The following ZNF131 variants were observed in gnomAD, a reference collection of about 807,000 sequenced individuals.
ZNF131 encodes the protein zinc finger protein 131.
In ZNF131, 7 loss-of-function variants were observed where a neutral mutation model predicts 60.0. The ratio of observed to expected loss-of-function variants is 0.12; its 90% CI spans 0.07 to 0.22. The LOEUF (loss-of-function observed/expected upper bound fraction) is 0.22. Ranked by LOEUF, ZNF131 falls within the 10% of genes least tolerant of loss-of-function variation. The pLI is 1.00. For missense variants in ZNF131, 493 were observed against 740.9 expected, an observed-to-expected ratio of 0.67 and a Z score of 3.88; for synonymous variants, 257 against 253.2, an observed-to-expected ratio of 1.01 and a Z score of -0.14.
intron 5 of ZNF131, among the ~76,000 whole-genome samples, chr5:43,168,891 G>A (rs2112069114): frequency 6.6e-6 from 1 of 152,332 alleles, no homozygotes; most frequent in Non-Finnish European, 1.5e-5. Flanking sequence ...CCAGCTTTCT[G>A]ATGTAGATGG....
In ZNF131 at chr5:43,174,987, G is replaced by A; in HGVS notation, c.1726G>A (p.Glu576Lys). The change falls in exon 7 of 7, where the codon GAG becomes AAG. Residue 576 changes from glutamate (E) to lysine (K), a missense_variant. Physicochemically the swap from Glu to Lys is moderately conservative, Grantham distance 56. Around this residue, in one of 7 missense-constraint regions of ZNF131, gnomAD observed 202 missense variants for 221.3 expected, o/e 0.91. Coordinates refer to ENST00000682664, the MANE Select transcript of ZNF131 (RefSeq NM_001330707.2). ...GACCCCAGAAATCATGAACCAAGAG[G>A]AGAGAGAGTCTAGCCAAGCAGATGC... ...HVTPEIMNQE[E>K]RESSQADAAE... 1 of 1,614,102 alleles carries A rather than the reference G, an allele frequency of 6.2e-7. No homozygotes were observed. The highest frequency in any genetic ancestry group is 8.5e-7 in the Non-Finnish European group (1 of 1,180,008).
chr5:43,160,724 C>T (rs987264854), intron 4 of ZNF131, among the ~76,000 whole-genome samples: 21 of 144,512 alleles, frequency 1.5e-4, no homozygotes, highest in Admixed American at 1.2e-3. Flanking sequence ...GCTCTTGTCG[C>T]CCAGGCTGGA....
chr5:43,143,930 T>C (rs2112296228), intron 4 of ZNF131, among the ~76,000 whole-genome samples: 3 of 98,152 alleles, frequency 3.1e-5, no homozygotes, highest in Non-Finnish European at 6.1e-5. Context: ...TTTTTTTTTT[T>C]TTTTTTCCTT....
At position 43,174,699 on chromosome 5, in the gene ZNF131, G is replaced by C. The variant is rs1320397788; in HGVS notation, c.1438G>C (p.Val480Leu). ...TIIEQVGKVH[V>L]LPLLQVQVDS... ...TATAGAACAAGTTGGGAAGGTGCAT[G>C]TGCTACCATTGCTTCAGGTTCAGGT... is the stretch of plus-strand genomic sequence containing the variant. The change falls in exon 7 of 7, where the codon GTG becomes CTG. Residue 480 changes from valine (V) to leucine (L), a missense_variant. Around this residue, in one of 7 missense-constraint regions of ZNF131, gnomAD observed 202 missense variants for 221.3 expected, o/e 0.91. Coordinates refer to ENST00000682664, the MANE Select transcript of ZNF131 (RefSeq NM_001330707.2). The C allele has an allele frequency of 6.2e-7, 1 of 1,614,112 alleles. No homozygotes were observed. Among genetic ancestry groups the C allele is most frequent in the African/African-American group, 1.3e-5 (1 of 74,942 alleles).
intron 3 of ZNF131, among the ~76,000 whole-genome samples, chr5:43,127,988 T>G (rs1290344554): frequency 6.6e-6 from 1 of 152,244 alleles, no homozygotes; most frequent in East Asian, 1.9e-4. Flanking sequence ...CTTGTACATG[T>G]TTATACATCT....
intron 1 of ZNF131, 197 bp from the exon 2 acceptor site, chr5:43,121,842 T>A: frequency 2.2e-6 from 1 of 463,906 alleles, no homozygotes; most frequent in Non-Finnish European, 3.7e-6. Context: ...AGGCTCGGAG[T>A]CCCGCGGCCG....
rs567449730 is a variant in ZNF131, at chr5:43,125,554, G to A, written c.226+2244G>A. Among the ~76,000 whole-genome samples the A allele has an allele frequency of 2.0e-5, 3 of 152,088 alleles. No individual in the cohort carries two copies. In the East Asian group the frequency reaches 5.9e-4, roughly 30 times the overall value. On this transcript the variant is annotated intron_variant, in intron 3 of 6. Coordinates refer to ENST00000682664, the MANE Select transcript of ZNF131 (RefSeq NM_001330707.2). ...CCAGCACTTTGGGAGGCCGAGGCAG[G>A]CAGATCACCTGAGGTCGAGAGGTCG...
At chr5:43,132,962 G>A (rs557183103) in intron 3 of ZNF131, among the ~76,000 whole-genome samples, 1 of 152,306 alleles carries the variant, frequency 6.6e-6, no homozygotes, top group East Asian at 1.9e-4. Context: ...TTTACCTATT[G>A]TGTGCGGTTT....
intron 5 of ZNF131, among the ~76,000 whole-genome samples, chr5:43,171,005 C>T (rs1354776368): frequency 6.9e-6 from 1 of 145,860 alleles, no homozygotes. Flanking sequence ...AGTGCAATGG[C>T]CTGTTCTCGG....
chr5:43,145,458 G>A (rs1747461588), intron 4 of ZNF131, among the ~76,000 whole-genome samples: 1 of 152,132 alleles, frequency 6.6e-6, no homozygotes, highest in Admixed American at 6.6e-5. Flanking sequence ...TTTGAGACCA[G>A]CCTGGCCAAA....
chr5:43,167,185 A>G (rs1750472616), intron 5 of ZNF131, among the ~76,000 whole-genome samples: 1 of 152,224 alleles, frequency 6.6e-6, no homozygotes, highest in Non-Finnish European at 1.5e-5. Context: ...TAGTAACATC[A>G]AAGATCACTG....
intron 3 of ZNF131, among the ~76,000 whole-genome samples, chr5:43,137,829 C>T (rs1319572264): frequency 2.0e-5 from 3 of 152,114 alleles, no homozygotes; most frequent in South Asian, 2.1e-4. Context: ...AATAAATATT[C>T]GTCAACAGAT....
intron 4 of ZNF131, among the ~76,000 whole-genome samples, chr5:43,152,302 C>T (rs549031322): frequency 2.0e-5 from 3 of 151,870 alleles, no homozygotes; most frequent in Admixed American, 6.6e-5. Context: ...CACTCCCAGC[C>T]GAGTCTGTCC....
intron 3 of ZNF131, among the ~76,000 whole-genome samples, chr5:43,129,857 C>T (rs1392082227): frequency 1.3e-5 from 2 of 152,046 alleles, no homozygotes; most frequent in African/African-American, 4.8e-5. Context: ...GGGGTTTCAC[C>T]ATGTTGGTCA....
chr5:43,173,588 T>C (rs1751251643), intron 6 of ZNF131, 140 bp downstream of exon 6: 8 of 1,130,080 alleles, frequency 7.1e-6, no homozygotes. Context: ...AACATTATTG[T>C]CTTGGGGACT....
At chr5:43,128,886 A>G (rs1466871741) in intron 3 of ZNF131, among the ~76,000 whole-genome samples, 1 of 151,924 alleles carries the variant, frequency 6.6e-6, no homozygotes, top group Admixed American at 6.6e-5. Context: ...AACTACAAGC[A>G]CATACCACCA....
intron 4 of ZNF131, among the ~76,000 whole-genome samples, chr5:43,158,877 A>T (rs1749292836): frequency 6.6e-6 from 1 of 150,628 alleles, no homozygotes; most frequent in South Asian, 2.1e-4. Flanking sequence ...TCTTATTCTC[A>T]ATGCCAAAAA....
intron 5 of ZNF131, among the ~76,000 whole-genome samples, chr5:43,168,939 C>T (rs529035991): frequency 1.8e-4 from 28 of 152,164 alleles, no homozygotes; most frequent in Admixed American, 9.8e-4. Context: ...GAAAAAAATA[C>T]GTAGATGAGT....
intron 5 of ZNF131, among the ~76,000 whole-genome samples, chr5:43,171,932 T>A (rs1751044140): frequency 6.6e-6 from 1 of 152,172 alleles, no homozygotes; most frequent in Admixed American, 6.5e-5. Flanking sequence ...CCGTTTTATT[T>A]TTAAATAGAG....
Sources: gnomAD v4.1 joint callset for allele counts (sites outside exome capture counted in the v4.1 genomes callset) on GRCh38, gnomAD v4.1.1 for gene constraint, gnomAD v4.1.1 regional missense constraint, MANE v1.5 for transcripts, NCBI Gene and HGNC (gene_info 2026-07-23, HGNC 2026-07-21) for gene names.